Variants in MICAL3 observed in about 807,000 individuals in gnomAD.
MICAL3 encodes microtubule associated monooxygenase, calponin and LIM domain containing 3, also known as [F-actin]-monooxygenase MICAL3.
In MICAL3, 62 loss-of-function variants were observed where a neutral mutation model predicts 207.4. The ratio of observed to expected loss-of-function variants is 0.30; its 90% CI spans 0.24 to 0.37. The LOEUF is 0.37. Among genes scored for constraint, MICAL3 ranks in the 10% least tolerant of loss-of-function variants. The probability of loss-of-function intolerance (pLI) is 1.00; values close to 1 mark genes in which losing one functional copy is unlikely to be tolerated. For synonymous variants in MICAL3, 1,077 were observed against 1,069.3 expected (o/e 1.01, Z -0.14); for missense variants, 2,368 against 2,635.6 (o/e 0.90, Z 2.22).
At chr22:17,880,778 C>T (rs1344859305) in intron 16 of MICAL3, among the ~76,000 whole-genome samples, 6 of 152,160 alleles carry the variant, frequency 3.9e-5, no homozygotes, top group South Asian at 2.1e-4. Context: ...GCAGAGCTCC[C>T]AGAATCAGAA....
rs576609143 is a variant in MICAL3 at position 17,860,854 on chromosome 22, C to T, written c.2605+4045G>A. ...AGCCCTGACCTGGAGTACGGCTCCC[C>T]AGTGTGAGGCTCCCGTGGTTCTCAG... On this transcript the variant is annotated intron_variant, in intron 19 of 31. Coordinates refer to ENST00000441493, the MANE Select transcript of MICAL3 (RefSeq NM_015241.3). 203 of 985,470 alleles carry T rather than the reference C, an allele frequency of 2.1e-4. 2 individuals carry two copies. In the Middle Eastern group the frequency reaches 4.7e-3, roughly 23 times the overall value. 61.0% of individuals were successfully genotyped at this position (985,470 alleles called of 1,614,324 possible). A position where few individuals can be genotyped will look rare whatever the true frequency, so the allele number is the denominator to read the frequency against.
rs557355834 is a variant in MICAL3 at position 17,809,587 on chromosome 22, G to A, written c.5557-650C>T. Among the ~76,000 whole-genome samples, 123 of 152,306 alleles carry A rather than the reference G, an allele frequency of 8.1e-4. 1 individual carries two copies. In the South Asian group the frequency reaches 0.024, roughly 29 times the overall value. On this transcript the variant is annotated intron_variant, in intron 28 of 31. Coordinates refer to ENST00000441493, the MANE Select transcript of MICAL3 (RefSeq NM_015241.3). ...AGGCAGAGGTTGCAGTGAGCTCAGCGCCACTGCGCGTCCAGCCTGGCCACG... is the reference window on the plus strand; with the variant it reads ...AGGCAGAGGTTGCAGTGAGCTCAGCACCACTGCGCGTCCAGCCTGGCCACG...
intron 3 of MICAL3, 63 bp downstream of exon 3, chr22:17,904,568 CT>C: frequency 8.0e-7 from 1 of 1,252,688 alleles, no homozygotes; most frequent in Non-Finnish European, 1.2e-6. Flanking sequence ...CTGCCTGTCT[CT>C]TTCTACTGAA....
At position 17,821,410 on chromosome 22, in the gene MICAL3, G is replaced by T; in HGVS notation, c.3531+17C>A. The T allele has an allele frequency of 6.5e-7, 1 of 1,536,990 alleles. No homozygotes were observed. The highest frequency in any genetic ancestry group is 8.8e-7 in the Non-Finnish European group (1 of 1,140,290). On this transcript the variant is annotated intron_variant, in intron 25 of 31. Coordinates refer to ENST00000441493, the MANE Select transcript of MICAL3 (RefSeq NM_015241.3). ...CCATTAGTTCTCTGTACCCCACAGC[G>T]AGCCCCAAACCCTTACCTCTGTTGA...
chr22:17,818,582 G>A lies in MICAL3; in HGVS notation c.4079C>T (p.Pro1360Leu), dbSNP rs541380717. 11 of 1,613,678 alleles carry A rather than the reference G, an allele frequency of 6.8e-6. No homozygotes were observed. In the South Asian group the frequency reaches 8.8e-5, roughly 13 times the overall value. Residue 1360 changes from proline to leucine, a missense_variant, in exon 26 of 32, where the codon CCA becomes CTA. Around this residue, in one of 4 missense-constraint regions of MICAL3, gnomAD observed 1,770 missense variants for 1,863.2 expected, o/e 0.95. Transcript: ENST00000441493. ...AACGGAATAGGATTTGAGGGACACT[G>A]GCCTGAAGGCAGGCGTGGGGAAGCT... ...EPSFPTPAFR[P>L]VSLKSYSVEK...
At position 17,885,897 on chromosome 22, in the gene MICAL3, G is replaced by C. The variant is rs1929827362; in HGVS notation, c.2222C>G (p.Ser741Cys). ...GTTTACCTGTCTCCGTATGCCGATG[G>C]ACTGTGCGGGCGCATTCTCTTCAAA... Reference protein sequence around the residue: ...AKFEENAPAQSIGIRRQGSMK... With the variant: ...AKFEENAPAQCIGIRRQGSMK... The change falls in exon 16 of 32, where the codon TCC becomes TGC. Residue 741 changes from serine to cysteine, a missense_variant. By Grantham distance (112) the Ser-to-Cys change is moderately radical. Coordinates refer to ENST00000441493, the MANE Select transcript of MICAL3 (RefSeq NM_015241.3). 1 of 1,613,860 alleles carries C rather than the reference G, an allele frequency of 6.2e-7. No homozygotes were observed. The highest frequency in any genetic ancestry group is 1.3e-5 in the African/African-American group (1 of 74,912).
intron 17 of MICAL3, among the ~76,000 whole-genome samples, chr22:17,869,242 G>A (rs1255007731): frequency 1.3e-5 from 2 of 152,146 alleles, no homozygotes; most frequent in Admixed American, 6.5e-5. Context: ...GCACGGCAGC[G>A]GCTAGGACAC....
intron 1 of MICAL3, among the ~76,000 whole-genome samples, chr22:17,909,155 T>C (rs1462246525): frequency 6.6e-6 from 1 of 152,232 alleles, no homozygotes; most frequent in Non-Finnish European, 1.5e-5. Flanking sequence ...ACATTGCAGA[T>C]GGAACACACT....
intron 1 of MICAL3, among the ~76,000 whole-genome samples, chr22:17,998,796 G>A (rs960191713): frequency 7.2e-5 from 11 of 152,082 alleles, no homozygotes; most frequent in African/African-American, 2.7e-4. Context: ...CTCGTGATCC[G>A]CCCGCCTGGC....
Position 17,827,729 on chromosome 22 carries a change from G to A in MICAL3, c.3108C>T (p.Ile1036=). Residue 1036 remains isoleucine (I), a synonymous_variant, in exon 22 of 32, where the codon ATC becomes ATT. Coordinates refer to ENST00000441493, the MANE Select transcript of MICAL3 (RefSeq NM_015241.3). ...TATGAGTCCAGTGCACGTCAGCCTG[G>A]ATCTCCAGAGGATCCGCCGCGTGCA... The part of the protein sequence containing the change: ...QVMHAADPLE[I]QADVHWTHIR... The A allele has an allele frequency of 5.7e-6, 9 of 1,571,018 alleles. No individual in the cohort carries two copies. The highest frequency in any genetic ancestry group is 7.8e-6 in the Non-Finnish European group (9 of 1,158,336).
chr22:17,809,010 A>C, intron 28 of MICAL3, 73 bp from the exon 29 acceptor site: 10 of 1,276,780 alleles, frequency 7.8e-6, no homozygotes, highest in Non-Finnish European at 1.1e-5. Context: ...CTCCACACCC[A>C]CACGAGGGGA....
chr22:17,885,859 G>C lies in MICAL3; in HGVS notation c.2241+19C>G, dbSNP rs1400187989. On this transcript the variant is annotated intron_variant, in intron 16 of 31. Transcript: ENST00000441493. ...TGATCTGACCAAATCGGTGTGGGCA[G>C]GGCACGGGTTGGGTTTACCTGTCTC... 1.2e-6 allele frequency: 2 copies of C among 1,612,720 alleles called. No individual in the cohort carries two copies. Among genetic ancestry groups the C allele is most frequent in the East Asian group, 2.2e-5 (1 of 44,886 alleles).
chr22:17,864,493 G>T (rs987861928), intron 19 of MICAL3: 1 of 1,425,766 alleles, frequency 7.0e-7, no homozygotes. Flanking sequence ...CATGAAGGCC[G>T]AGTGGCCTTG....
chr22:17,842,116 G>A (rs1924074289), intron 19 of MICAL3, 99 bp from the exon 20 acceptor site: 2 of 1,177,808 alleles, frequency 1.7e-6, no homozygotes, highest in African/African-American at 3.0e-5. Flanking sequence ...CTGCCAGAAT[G>A]TGGGGCAGGA....
chr22:17,846,421 A>G (rs1924633256), intron 19 of MICAL3, among the ~76,000 whole-genome samples: 1 of 151,916 alleles, frequency 6.6e-6, no homozygotes. Flanking sequence ...ACGCACAAAC[A>G]CATCGGAACA....
chr22:17,830,625 C>T (rs1265833556), intron 21 of MICAL3, among the ~76,000 whole-genome samples: 2 of 152,184 alleles, frequency 1.3e-5, no homozygotes, highest in Non-Finnish European at 2.9e-5. Flanking sequence ...CACCTGGCTC[C>T]GCAGACACGG....
chr22:17,808,597 G>T (rs1034907891), intron 29 of MICAL3, among the ~76,000 whole-genome samples: 1 of 152,234 alleles, frequency 6.6e-6, no homozygotes, highest in Non-Finnish European at 1.5e-5. Context: ...AGCATGCCGG[G>T]GACTGAGTTT....
chr22:17,839,134 T>C (rs570840614), intron 20 of MICAL3, among the ~76,000 whole-genome samples: 37 of 151,384 alleles, frequency 2.4e-4, no homozygotes, highest in Non-Finnish European at 4.6e-4. Flanking sequence ...ATATTTTTTG[T>C]AGAGACGGGG....
At chr22:17,881,846 G>A (rs1452069571) in intron 16 of MICAL3, among the ~76,000 whole-genome samples, 1 of 152,222 alleles carries the variant, frequency 6.6e-6, no homozygotes, top group East Asian at 1.9e-4. Flanking sequence ...AATTAAATGT[G>A]TCTCACTAAC....
Sources: gnomAD v4.1 joint callset for allele counts (sites outside exome capture counted in the v4.1 genomes callset) on GRCh38, gnomAD v4.1.1 for gene constraint, gnomAD v4.1.1 regional missense constraint, MANE v1.5 for transcripts, NCBI Gene and HGNC (gene_info 2026-07-23, HGNC 2026-07-21) for gene names.